The following MAST2 variants were observed in gnomAD, a reference collection of about 807,000 sequenced individuals.
MAST2 encodes the protein microtubule-associated serine/threonine-protein kinase 2.
A neutral mutation model predicts 147.4 loss-of-function variants in MAST2; 70 were observed. The observed-to-expected ratio is 0.47, with a 90% CI of 0.39 to 0.58. The LOEUF (loss-of-function observed/expected upper bound fraction) is 0.58, where lower values mean the gene tolerates loss of function less well. MAST2 is among the 20% of genes least tolerant of loss of function. The pLI is 0.00. For missense variants in MAST2, 2,080 were observed against 2,302.3 expected, an observed-to-expected ratio of 0.90 and a Z score of 1.98; for synonymous variants, 869 against 896.8, an observed-to-expected ratio of 0.97 and a Z score of 0.55.
chr1:45,914,245 C>G (rs992575217), intron 4 of MAST2, among the ~76,000 whole-genome samples: 2 of 152,228 alleles, frequency 1.3e-5, no homozygotes, highest in Non-Finnish European at 2.9e-5. Flanking sequence ...AGTACCTCCT[C>G]CTTTGACTAG....
chr1:45,991,784 C>A (rs2149120005), intron 5 of MAST2, among the ~76,000 whole-genome samples: 1 of 152,266 alleles, frequency 6.6e-6, no homozygotes, highest in African/African-American at 2.4e-5. Flanking sequence ...TTAGAATATT[C>A]TACATAGACA....
At position 46,031,188 on chromosome 1, in the gene MAST2, C is replaced by G; in HGVS notation, c.2890C>G (p.Pro964Ala). ...GGAGGGTATATGGGTCCTGACACCCCCATCTGGAGAGGGGGTATCTGGGCC... is the reference window on the plus strand; with the variant it reads ...GGAGGGTATATGGGTCCTGACACCCGCATCTGGAGAGGGGGTATCTGGGCC... ...PQEGIWVLTPPSGEGVSGPVT... is the reference protein window; with the variant it reads ...PQEGIWVLTPASGEGVSGPVT... Residue 964 changes from proline (P) to alanine (A), a missense_variant, in exon 23 of 29, where the codon CCA (proline) becomes GCA (alanine). Pro to Ala is a conservative substitution (Grantham distance 27, BLOSUM62 -1). Transcript: ENST00000361297. The surrounding 1 kb of genome is among the most constrained non-coding windows in gnomAD (Gnocchi z 4.1). The G allele has an allele frequency of 6.3e-7, 1 of 1,578,248 alleles. No homozygotes were observed. Among genetic ancestry groups the G allele is most frequent in the Non-Finnish European group, 8.6e-7 (1 of 1,157,708 alleles).
chr1:45,815,818 C>T (rs1462876787), intron 1 of MAST2, among the ~76,000 whole-genome samples: 1 of 152,168 alleles, frequency 6.6e-6, no homozygotes, highest in Non-Finnish European at 1.5e-5. Context: ...TAATCACTTC[C>T]ACTCATATTC....
rs1048488163 is a variant in MAST2 at position 45,803,628 on chromosome 1, G to C, written c.-268G>C. 1 of 234,642 alleles carries C rather than the reference G, an allele frequency of 4.3e-6. No individual in the cohort carries two copies. Among genetic ancestry groups the C allele is most frequent in the African/African-American group, 2.3e-5 (1 of 43,730 alleles). The allele number at this position is 234,642 out of a possible 1,614,324, so 14.5% of individuals were successfully genotyped here. On this transcript the variant is annotated 5_prime_UTR_variant, in exon 1 of 29. Coordinates refer to ENST00000361297, the MANE Select transcript of MAST2 (RefSeq NM_015112.3). ...AGGCTGGCTGTAGGCAGGCGGCTGA[G>C]CCGGCGGCGGGTGGCCTGCCCAACG...
At chr1:45,869,388 G>A (rs1178084686) in intron 3 of MAST2, among the ~76,000 whole-genome samples, 1 of 152,172 alleles carries the variant, frequency 6.6e-6, no homozygotes, top group Non-Finnish European at 1.5e-5. Context: ...GTGATTTACA[G>A]TTACATCCCT....
At chr1:45,837,552 A>G (rs1365656714) in intron 3 of MAST2, among the ~76,000 whole-genome samples, 1 of 152,144 alleles carries the variant, frequency 6.6e-6, no homozygotes, top group African/African-American at 2.4e-5. Context: ...TTTGCCTGTT[A>G]GAGAGAGAGC....
intron 4 of MAST2, among the ~76,000 whole-genome samples, chr1:45,954,676 G>GA (rs1251893489): frequency 3.9e-5 from 6 of 152,186 alleles, no homozygotes; most frequent in Non-Finnish European, 5.9e-5. Flanking sequence ...TGTTGAAATG[G>GA]AAAAATTAGC....
intron 5 of MAST2, among the ~76,000 whole-genome samples, chr1:45,980,419 T>A (rs558305519): frequency 2.0e-5 from 3 of 152,268 alleles, no homozygotes; most frequent in Middle Eastern, 3.4e-3. Flanking sequence ...TCACGCAATA[T>A]ACCCAGGTAA....
chr1:45,981,844 G>T (rs1644419100), intron 5 of MAST2, among the ~76,000 whole-genome samples: 1 of 132,376 alleles, frequency 7.6e-6, no homozygotes, highest in South Asian at 2.6e-4. Flanking sequence ...TGGTAATTTT[G>T]GCTTTTTTTT....
At chr1:45,830,287 GC>G (rs1644916069) in intron 3 of MAST2, among the ~76,000 whole-genome samples, 1 of 140,028 alleles carries the variant, frequency 7.1e-6, no homozygotes. Flanking sequence ...TGATTCTCCT[GC>G]CTCAGCCTCC....
chr1:45,969,182 C>T (rs1406659445), intron 5 of MAST2, among the ~76,000 whole-genome samples: 1 of 152,182 alleles, frequency 6.6e-6, no homozygotes, highest in Non-Finnish European at 1.5e-5. Flanking sequence ...TCATATCTGA[C>T]TCTGGTTCTG....
intron 4 of MAST2, among the ~76,000 whole-genome samples, chr1:45,948,766 C>G (rs895787372): frequency 2.1e-5 from 3 of 143,902 alleles, no homozygotes; most frequent in Non-Finnish European, 4.5e-5. Flanking sequence ...CCCAAATCGC[C>G]AAGGCAATCC....
intron 1 of MAST2, among the ~76,000 whole-genome samples, chr1:45,807,270 C>T (rs1382940529): frequency 6.6e-6 from 1 of 151,946 alleles, no homozygotes; most frequent in Non-Finnish European, 1.5e-5. Context: ...TGTGTTTTCT[C>T]TTCCTGTTCC....
chr1:46,018,681 A>G (rs17101933), intron 10 of MAST2, among the ~76,000 whole-genome samples: 1,798 of 152,192 alleles, frequency 0.012, 29 homozygotes, highest in African/African-American at 0.038. Context: ...TTGTCTTTCT[A>G]TCCTTTTTTA....
At chr1:45,883,674 G>A (rs1054834809) in intron 4 of MAST2, among the ~76,000 whole-genome samples, 6 of 151,932 alleles carry the variant, frequency 3.9e-5, no homozygotes, top group Non-Finnish European at 7.4e-5. Flanking sequence ...TTCTTAATGG[G>A]TTAAATTTGG....
At chr1:45,976,752 A>G (rs1644175995) in intron 5 of MAST2, among the ~76,000 whole-genome samples, 1 of 152,206 alleles carries the variant, frequency 6.6e-6, no homozygotes, top group Non-Finnish European at 1.5e-5. Flanking sequence ...GAATGTTTGA[A>G]ATAAAGAAAA....
rs751629052 is a variant in MAST2, at chr1:45,876,676, A to T, written c.469-5688A>T. Among the ~76,000 whole-genome samples the T allele has an allele frequency of 2.8e-4, 42 of 152,310 alleles. 1 individual carries two copies. In the Middle Eastern group the frequency reaches 0.034, roughly 123 times the overall value. On this transcript the variant is annotated intron_variant, in intron 3 of 28. Transcript: ENST00000361297. ...CTGGGAAAAGGAGGATTGAGAAATC[A>T]TTGCTCCTTGGACTACCTTTATGTG...
chr1:45,851,916 A>T (rs116422389), intron 3 of MAST2, among the ~76,000 whole-genome samples: 264 of 152,286 alleles, frequency 1.7e-3, no homozygotes, highest in African/African-American at 6.0e-3. Flanking sequence ...ATGCATTTAT[A>T]GGGAGATACT....
At chr1:45,863,409 A>T (rs994115216) in intron 3 of MAST2, among the ~76,000 whole-genome samples, 2 of 152,200 alleles carry the variant, frequency 1.3e-5, no homozygotes, top group South Asian at 2.1e-4. Context: ...TAGTTATTCA[A>T]AGCAGCAGAT....
Sources: allele counts gnomAD v4.1 joint callset (sites outside exome capture counted in the v4.1 genomes callset), GRCh38; gene constraint gnomAD v4.1.1; non-coding constraint Gnocchi (gnomAD v3.1); transcripts MANE v1.5; gene names NCBI Gene and HGNC (gene_info 2026-07-23, HGNC 2026-07-21).